The following BMP2K variants were observed in gnomAD, a reference collection of about 807,000 sequenced individuals.
BMP2K encodes the protein BMP-2-inducible protein kinase.
Under a neutral mutation model 116.0 loss-of-function variants are expected in BMP2K, and 74 were observed. The ratio of observed to expected loss-of-function variants is 0.64; its 90% CI spans 0.53 to 0.77. BMP2K has a LOEUF of 0.77. Among genes scored for constraint, BMP2K ranks in the 30% least tolerant of loss-of-function variants. BMP2K has a pLI of 0.00. For missense variants in BMP2K, 1,365 were observed against 1,403.6 expected, an observed-to-expected ratio of 0.97 and a Z score of 0.44; for synonymous variants, 486 against 502.5, an observed-to-expected ratio of 0.97 and a Z score of 0.44.
rs781284336 is a variant in BMP2K at position 78,871,834 on chromosome 4, G to C, written c.1510-16G>C. The C allele has an allele frequency of 1.5e-5, 24 of 1,577,854 alleles. No individual in the cohort carries two copies. The highest frequency in any genetic ancestry group is 2.1e-5 in the Non-Finnish European group (24 of 1,151,128). On this transcript the variant is annotated splice_polypyrimidine_tract_variant and intron_variant, in intron 11 of 15. Coordinates refer to ENST00000502613, the MANE Select transcript of BMP2K (RefSeq NM_198892.2). ...AAAAAGGCATAACATTTATTAATTT[G>C]ATTTTCTCGTTGTAGTATCAACATG...
intron 7 of BMP2K, among the ~76,000 whole-genome samples, chr4:78,857,615 T>C (rs1398303658): frequency 6.6e-6 from 1 of 152,106 alleles, no homozygotes; most frequent in African/African-American, 2.4e-5. Flanking sequence ...AAGTACATTC[T>C]TAAACCATAC....
rs781122587 is a variant in BMP2K, at chr4:78,872,769, C to A, written c.1764C>A (p.Thr588=). 7 of 1,613,958 alleles carry A rather than the reference C, an allele frequency of 4.3e-6. No individual in the cohort carries two copies. The African/African-American group carries it at 9.3e-5, about 22-fold the overall frequency. The change falls in exon 13 of 16, where the codon ACC becomes ACA. Residue 588 remains threonine (T), a synonymous_variant. Coordinates refer to ENST00000502613, the MANE Select transcript of BMP2K (RefSeq NM_198892.2). ...YTSSLPAQVG[T]IMDSSYSANR... ...CATCACTTCCAGCTCAGGTTGGAAC[C>A]ATAATGGACTCCTCCTATAGTGCCA...
chr4:78,825,782 G>C (rs1281866726), intron 1 of BMP2K, among the ~76,000 whole-genome samples: 4 of 152,288 alleles, frequency 2.6e-5, no homozygotes, highest in Non-Finnish European at 4.4e-5. Context: ...AGGTATTCTA[G>C]TGCAAAAGGT....
intron 9 of BMP2K, among the ~76,000 whole-genome samples, chr4:78,865,319 T>G (rs1731989538): frequency 6.6e-6 from 1 of 152,188 alleles, no homozygotes; most frequent in South Asian, 2.1e-4. Flanking sequence ...TTTCTGCTGG[T>G]TTCAGTAGGA....
At chr4:78,882,466 A>T (rs1449554581) in intron 14 of BMP2K, among the ~76,000 whole-genome samples, 1 of 151,682 alleles carries the variant, frequency 6.6e-6, no homozygotes. Flanking sequence ...TTGTATTTTT[A>T]CTTTTTTGTA....
At chr4:78,868,766 CA>C (rs1732186324) in intron 10 of BMP2K, among the ~76,000 whole-genome samples, 1 of 152,138 alleles carries the variant, frequency 6.6e-6, no homozygotes, top group African/African-American at 2.4e-5. Flanking sequence ...TTAAAAGCTC[CA>C]AAATGATCTC....
chr4:78,891,599 T>G (rs1446570295), intron 15 of BMP2K, among the ~76,000 whole-genome samples: 1 of 152,210 alleles, frequency 6.6e-6, no homozygotes, highest in East Asian at 1.9e-4. Context: ...TCTTAGAAAT[T>G]TCCTTGGCTT....
intron 14 of BMP2K, among the ~76,000 whole-genome samples, chr4:78,884,331 CAT>C: frequency 6.6e-6 from 1 of 152,062 alleles, no homozygotes; most frequent in Middle Eastern, 3.4e-3. Flanking sequence ...TGTCTCAAAA[CAT>C]AAAATAAAAC....
In BMP2K at chr4:78,883,383, A is replaced by C. The variant is rs189170988; in HGVS notation, c.1952-3791A>C. On this transcript the variant is annotated intron_variant, in intron 14 of 15. Transcript: ENST00000502613. ...TTTTGTATTTTGTGTCCTGAGACTC[A>C]CATTTTCATGTGAACTTTAGAAACA... is the stretch of plus-strand genomic sequence containing the variant. Among the ~76,000 whole-genome samples, 452 of 152,312 alleles carry C rather than the reference A, an allele frequency of 3.0e-3. 1 individual carries two copies. Among genetic ancestry groups the C allele is most frequent in the African/African-American group, 0.01 (425 of 41,582 alleles).
At chr4:78,829,817 C>T (rs1020082226) in intron 2 of BMP2K, among the ~76,000 whole-genome samples, 91 of 142,900 alleles carry the variant, frequency 6.4e-4, no homozygotes, top group African/African-American at 2.4e-3. Context: ...CTTCTCTTCT[C>T]TTCTCTTCTC....
chr4:78,829,770 CTTT>C (rs1299503638), intron 2 of BMP2K, among the ~76,000 whole-genome samples: 129 of 108,550 alleles, frequency 1.2e-3, no homozygotes, highest in African/African-American at 5.8e-3. Flanking sequence ...CTTTTCTTTT[CTTT>C]TCTTTTCTTT....
At chr4:78,885,711 G>GCA (rs1185878796) in intron 14 of BMP2K, among the ~76,000 whole-genome samples, 1 of 152,144 alleles carries the variant, frequency 6.6e-6, no homozygotes, top group Non-Finnish European at 1.5e-5. Context: ...GTGGACCAAA[G>GCA]GTCTGCTGGT....
At chr4:78,833,549 T>C (rs1390977618) in intron 2 of BMP2K, 33 bp from the exon 3 acceptor site, 7 of 1,384,904 alleles carry the variant, frequency 5.1e-6, no homozygotes, top group Non-Finnish European at 7.0e-6. Flanking sequence ...TAAATGTACA[T>C]TTTCCAGTTT....
chr4:78,799,033 T>C (rs1453262867), intron 1 of BMP2K, among the ~76,000 whole-genome samples: 1 of 152,222 alleles, frequency 6.6e-6, no homozygotes, highest in Non-Finnish European at 1.5e-5. Flanking sequence ...TCTAGAGAAC[T>C]TTCTACTCCA....
Position 78,835,627 on chromosome 4 carries a change from C to CAAAA in BMP2K, c.403+1959_403+1962dup, listed in dbSNP as rs561192085. On this transcript the variant is annotated intron_variant, in intron 3 of 15. Coordinates refer to ENST00000502613, the MANE Select transcript of BMP2K (RefSeq NM_198892.2). ...CTGGGCACATAGCGAGACTCCGTGT[C>CAAAA]AAAAAAAAAAAAAAAAAAAAAAGTC... Among the ~76,000 whole-genome samples, 20 of 69,504 alleles carry CAAAA rather than the reference C, an allele frequency of 2.9e-4. No individual in the cohort carries two copies. In the South Asian group the frequency reaches 0.01, roughly 35 times the overall value. 45.6% of individuals were successfully genotyped at this position (69,504 alleles called of 152,430 possible). A position where few individuals can be genotyped will look rare whatever the true frequency, so the allele number is the denominator to read the frequency against.
intron 1 of BMP2K, among the ~76,000 whole-genome samples, chr4:78,779,772 T>TAA (rs537140948): frequency 6.6e-6 from 1 of 152,220 alleles, no homozygotes; most frequent in Admixed American, 6.5e-5. Context: ...ACTAAACTGT[T>TAA]AAAGTTTTCT....
intron 14 of BMP2K, chr4:78,879,627 T>TTG (rs36091562): frequency 0.083 from 13,599 of 163,748 alleles, 1,914 homozygotes; most frequent in African/African-American, 0.31. Flanking sequence ...TTCTGAGGCT[T>TTG]TGTGTGTGTG....
At chr4:78,892,550 G>A (rs1733494956) in intron 15 of BMP2K, among the ~76,000 whole-genome samples, 1 of 151,988 alleles carries the variant, frequency 6.6e-6, no homozygotes, top group South Asian at 2.1e-4. Context: ...ATTGACATAT[G>A]CTAAAATTTT....
intron 1 of BMP2K, among the ~76,000 whole-genome samples, chr4:78,781,354 A>AGT (rs1259975520): frequency 1.3e-5 from 2 of 152,262 alleles, no homozygotes; most frequent in Admixed American, 1.3e-4. Flanking sequence ...GGTCATAGGA[A>AGT]GTGTTAGGAA....
Sources: allele counts gnomAD v4.1 joint callset (sites outside exome capture counted in the v4.1 genomes callset), GRCh38; gene constraint gnomAD v4.1.1; transcripts MANE v1.5; gene names NCBI Gene and HGNC (gene_info 2026-07-23, HGNC 2026-07-21).